Variants in HDAC4 observed in about 807,000 individuals in gnomAD.
The protein encoded by HDAC4 is histone deacetylase 4.
Under a neutral mutation model 135.1 loss-of-function variants are expected in HDAC4, and 16 were observed. That is an observed-to-expected ratio of 0.12 (90% CI 0.08 to 0.18). The LOEUF is 0.18. Ranked by LOEUF, HDAC4 falls within the 10% of genes least tolerant of loss-of-function variation. The pLI is 1.00. For missense variants in HDAC4, 1,143 were observed against 1,511.8 expected, an observed-to-expected ratio of 0.76 and a Z score of 4.05; for synonymous variants, 685 against 653.4, an observed-to-expected ratio of 1.05 and a Z score of -0.74.
At chr2:239,312,499 T>A (rs1176370169) in intron 2 of HDAC4, among the ~76,000 whole-genome samples, 1 of 152,156 alleles carries the variant, frequency 6.6e-6, no homozygotes, top group African/African-American at 2.4e-5. Context: ...CAAAGCCAGA[T>A]GATGGTGAAA....
rs1024050993 is a variant in HDAC4 at position 239,299,087 on chromosome 2, G to A, written c.22+53591C>T. Among the ~76,000 whole-genome samples the A allele has an allele frequency of 1.3e-4, 20 of 151,984 alleles. No individual in the cohort carries two copies. The highest frequency in any genetic ancestry group is 3.4e-4 in the African/African-American group (14 of 41,474). On this transcript the variant is annotated intron_variant, in intron 2 of 26. Coordinates refer to ENST00000543185, the MANE Select transcript of HDAC4 (RefSeq NM_001378414.1). This position sits in a 1 kb window ranked among gnomAD's most constrained non-coding sequence, Gnocchi z 4.0. ...GTTTCATGTTAGCCAGGATGGTCTC[G>A]ATCTCCTGACCTCGTGATCCGCCTG...
At chr2:239,322,757 G>A (rs982738497) in intron 2 of HDAC4, among the ~76,000 whole-genome samples, 9 of 152,114 alleles carry the variant, frequency 5.9e-5, no homozygotes, top group Admixed American at 1.3e-4. Context: ...CATCCTGCCC[G>A]GGTGTGGGTA....
intron 5 of HDAC4, among the ~76,000 whole-genome samples, chr2:239,174,728 A>G (rs989004687): frequency 1.3e-5 from 2 of 152,268 alleles, no homozygotes; most frequent in Non-Finnish European, 2.9e-5. Context: ...AAACAAGCCA[A>G]ATATCTAACA....
chr2:239,054,673 G>T (rs2031503003), intron 25 of HDAC4, 76 bp downstream of exon 25: 1 of 929,272 alleles, frequency 1.1e-6, no homozygotes, highest in Non-Finnish European at 1.8e-6. Context: ...GGGGGTATAG[G>T]GGGACAGGGA....
intron 7 of HDAC4, among the ~76,000 whole-genome samples, chr2:239,149,163 A>G (rs529461451): frequency 6.6e-6 from 1 of 152,162 alleles, no homozygotes; most frequent in African/African-American, 2.4e-5. Flanking sequence ...GCACTTTGGG[A>G]GGCTGAGGCA....
At chr2:239,271,272 C>G (rs1324076214) in intron 2 of HDAC4, among the ~76,000 whole-genome samples, 2 of 152,194 alleles carry the variant, frequency 1.3e-5, no homozygotes, top group Non-Finnish European at 2.9e-5. Context: ...TGCCACCATG[C>G]CTGGCTAATT....
At position 239,352,038 on chromosome 2, in the gene HDAC4, A is replaced by AT. The variant is rs1693203057; in HGVS notation, c.22+639dup. ...ACAGAAAGTGTGAAGTCGTAAATGG[A>AT]TGGGCCCATGACATGCTTCTGAAGC... On this transcript the variant is annotated intron_variant, in intron 2 of 26. Coordinates refer to ENST00000543185, the MANE Select transcript of HDAC4 (RefSeq NM_001378414.1). The surrounding 1 kb of genome is among the most constrained non-coding windows in gnomAD (Gnocchi z 4.4). Among the ~76,000 whole-genome samples, 1 of 152,040 alleles carries AT rather than the reference A, an allele frequency of 6.6e-6. No homozygotes were observed. The highest frequency in any genetic ancestry group is 1.5e-5 in the Non-Finnish European group (1 of 68,002).
At chr2:239,387,589 G>A (rs944097182) in intron 1 of HDAC4, among the ~76,000 whole-genome samples, 1 of 152,220 alleles carries the variant, frequency 6.6e-6, no homozygotes, top group African/African-American at 2.4e-5. Context: ...ATCTGTGCCA[G>A]CCTTGTGCCC....
At chr2:239,099,015 G>A (rs538875269) in intron 16 of HDAC4, among the ~76,000 whole-genome samples, 1 of 152,344 alleles carries the variant, frequency 6.6e-6, no homozygotes, top group South Asian at 2.1e-4. Context: ...CGGAGAACAG[G>A]AATGGTGCAA....
intron 1 of HDAC4, among the ~76,000 whole-genome samples, chr2:239,365,879 T>TG (rs1694168734): frequency 6.9e-6 from 1 of 145,462 alleles, no homozygotes; most frequent in Non-Finnish European, 1.5e-5. Context: ...CGCGTGGCAC[T>TG]GGGGGACACA....
At chr2:239,072,057 GT>G (rs1386664418) in intron 22 of HDAC4, among the ~76,000 whole-genome samples, 2 of 152,124 alleles carry the variant, frequency 1.3e-5, no homozygotes, top group African/African-American at 4.8e-5. Context: ...TTGGGGCATT[GT>G]CCCCATAAAC....
intron 2 of HDAC4, among the ~76,000 whole-genome samples, chr2:239,321,424 C>T (rs1398708443): frequency 7.0e-6 from 1 of 142,424 alleles, no homozygotes; most frequent in African/African-American, 2.7e-5. Flanking sequence ...GAGATAGCGC[C>T]ACTGCACTCC....
At chr2:239,310,438 C>T (rs2052818095) in intron 2 of HDAC4, among the ~76,000 whole-genome samples, 1 of 152,188 alleles carries the variant, frequency 6.6e-6, no homozygotes, top group Non-Finnish European at 1.5e-5. Flanking sequence ...GTAGCTTCAA[C>T]AGAAAATGGC....
intron 5 of HDAC4, among the ~76,000 whole-genome samples, chr2:239,168,364 G>A (rs899143064): frequency 1.3e-5 from 2 of 152,130 alleles, no homozygotes; most frequent in African/African-American, 4.8e-5. Flanking sequence ...ATTCCCAAGT[G>A]CCGTTAATCT....
At chr2:239,119,511 G>T (rs1338050513) in intron 12 of HDAC4, among the ~76,000 whole-genome samples, 1 of 150,654 alleles carries the variant, frequency 6.6e-6, no homozygotes, top group Admixed American at 6.6e-5. Context: ...GAGGGCGCGG[G>T]GACCAGAGCT....
At chr2:239,064,471 G>A (rs1424636440) in intron 24 of HDAC4, among the ~76,000 whole-genome samples, 1 of 152,124 alleles carries the variant, frequency 6.6e-6, no homozygotes, top group Non-Finnish European at 1.5e-5. Flanking sequence ...CGTCTCTGAT[G>A]CTGCCCCTCA....
chr2:239,354,282 GC>G (rs557491372), intron 1 of HDAC4, among the ~76,000 whole-genome samples: 185 of 152,234 alleles, frequency 1.2e-3, no homozygotes, highest in African/African-American at 4.3e-3. Flanking sequence ...ATAGACAGCT[GC>G]CCCGCCCCAC....
intron 2 of HDAC4, among the ~76,000 whole-genome samples, chr2:239,321,364 C>A (rs112741317): frequency 1.6e-3 from 235 of 144,620 alleles, no homozygotes; most frequent in African/African-American, 5.9e-3. Context: ...ACTCAGGAGG[C>A]TGAGGCAGGA....
intron 2 of HDAC4, among the ~76,000 whole-genome samples, chr2:239,242,128 G>GAGAAAGAGAAAGAAAGAA (rs1261994025): frequency 1.3e-5 from 2 of 149,638 alleles, no homozygotes; most frequent in Non-Finnish European, 3.0e-5. Flanking sequence ...AAGAAAGAAG[G>GAGAAAGAGAAAGAAAGAA]AGAAAGAGAA....
Sources: gnomAD v4.1 joint callset for allele counts (sites outside exome capture counted in the v4.1 genomes callset) on GRCh38, gnomAD v4.1.1 for gene constraint, Gnocchi (gnomAD v3.1) non-coding constraint, MANE v1.5 for transcripts, NCBI Gene and HGNC (gene_info 2026-07-23, HGNC 2026-07-21) for gene names.